Variants in PRKN observed in about 807,000 individuals in gnomAD.
PRKN encodes parkin RBR E3 ubiquitin protein ligase.
PRKN carries 56 observed loss-of-function variants against 59.5 expected under a neutral mutation model. That is an observed-to-expected ratio of 0.94 (90% CI 0.76 to 1.18). The LOEUF is 1.18. Among genes scored for constraint, PRKN ranks in the 50% most tolerant of loss-of-function variants. The probability of loss-of-function intolerance (pLI) is 0.00; values close to 1 mark genes in which losing one functional copy is unlikely to be tolerated. For missense variants in PRKN, 657 were observed against 596.4 expected, an observed-to-expected ratio of 1.10 and a Z score of -1.06; for synonymous variants, 250 against 222.1, an observed-to-expected ratio of 1.13 and a Z score of -1.12.
chr6:161,536,375 T>C (rs1443097718), intron 9 of PRKN, among the ~76,000 whole-genome samples: 3 of 151,270 alleles, frequency 2.0e-5, no homozygotes, highest in Non-Finnish European at 2.9e-5. Context: ...CAGAACTCAC[T>C]ACTGACCCGG....
chr6:162,316,061 C>G (rs559851510), intron 2 of PRKN, among the ~76,000 whole-genome samples: 1 of 152,104 alleles, frequency 6.6e-6, no homozygotes, highest in African/African-American at 2.4e-5. Flanking sequence ...GGGCATGGGT[C>G]AGGTTCTATG....
intron 5 of PRKN, among the ~76,000 whole-genome samples, chr6:162,040,850 A>G (rs1274295646): frequency 6.6e-6 from 1 of 152,032 alleles, no homozygotes; most frequent in Non-Finnish European, 1.5e-5. Flanking sequence ...AGTAGTGAGG[A>G]AGAAAAACAA....
intron 6 of PRKN, among the ~76,000 whole-genome samples, chr6:161,842,560 CTTT>C (rs1455918960): frequency 6.6e-6 from 1 of 151,408 alleles, no homozygotes; most frequent in African/African-American, 2.4e-5. Flanking sequence ...TCTTCCTTCT[CTTT>C]TTTTTCTTTT....
intron 7 of PRKN, among the ~76,000 whole-genome samples, chr6:161,648,028 T>C (rs1784019275): frequency 6.6e-6 from 1 of 152,226 alleles, no homozygotes; most frequent in African/African-American, 2.4e-5. Flanking sequence ...CATTTATTAC[T>C]GGTGCATGAT....
At position 161,423,238 on chromosome 6, in the gene PRKN, G is replaced by T. The variant is rs1057480682; in HGVS notation, c.1084-36361C>A. The stretch of plus-strand genomic sequence containing the variant: ...ACGTGGCCCCCAAATGAATAGGGAG[G>T]CACTCACGTTAATTTTTCTCAACTA... On this transcript the variant is annotated intron_variant, in intron 9 of 11. Transcript: ENST00000366898. The surrounding 1 kb of genome is among the most constrained non-coding windows in gnomAD (Gnocchi z 5.9). Among the ~76,000 whole-genome samples the T allele has an allele frequency of 6.6e-6, 1 of 152,100 alleles. No individual in the cohort carries two copies. Among genetic ancestry groups the T allele is most frequent in the Admixed American group, 6.6e-5 (1 of 15,234 alleles).
intron 7 of PRKN, among the ~76,000 whole-genome samples, chr6:161,640,224 T>C (rs1047631704): frequency 1.3e-5 from 2 of 152,266 alleles, no homozygotes; most frequent in Non-Finnish European, 2.9e-5. Flanking sequence ...CCCAGTTTTC[T>C]GGTTGTAGTT....
intron 8 of PRKN, among the ~76,000 whole-genome samples, chr6:161,556,681 C>G (rs1780250888): frequency 6.6e-6 from 1 of 152,188 alleles, no homozygotes; most frequent in African/African-American, 2.4e-5. Flanking sequence ...GGAACAAACA[C>G]TTCCCTTGAT....
At chr6:161,801,295 T>C (rs1001374149) in intron 6 of PRKN, among the ~76,000 whole-genome samples, 1 of 152,212 alleles carries the variant, frequency 6.6e-6, no homozygotes, top group African/African-American at 2.4e-5. Flanking sequence ...CTGAGTCTTC[T>C]GGTTCTAGGC....
In PRKN at chr6:162,180,095, T is replaced by C. The variant is rs568141184; in HGVS notation, c.534+21036A>G. ...TGATACATGTGATAGGTGAAATTCATTGTAAAGGCATATTTGAGGTGATTT... is the reference window on the plus strand; with the variant it reads ...TGATACATGTGATAGGTGAAATTCACTGTAAAGGCATATTTGAGGTGATTT... On this transcript the variant is annotated intron_variant, in intron 4 of 11. Transcript: ENST00000366898. Among the ~76,000 whole-genome samples, 4 of 151,866 alleles carry C rather than the reference T, an allele frequency of 2.6e-5. No homozygotes were observed. In the East Asian group the frequency reaches 7.8e-4, roughly 30 times the overall value.
chr6:162,118,503 A>G (rs568507025), intron 4 of PRKN, among the ~76,000 whole-genome samples: 2 of 152,334 alleles, frequency 1.3e-5, no homozygotes, highest in African/African-American at 4.8e-5. Flanking sequence ...AGTTTTCAAT[A>G]TTATACATGA....
At chr6:162,547,395 A>G (rs1197168619) in intron 1 of PRKN, among the ~76,000 whole-genome samples, 3 of 152,124 alleles carry the variant, frequency 2.0e-5, no homozygotes, top group Non-Finnish European at 2.9e-5. Flanking sequence ...GAAAATAACA[A>G]TATTTTACAT....
At chr6:161,877,541 G>T (rs1282602175) in intron 6 of PRKN, among the ~76,000 whole-genome samples, 1 of 150,630 alleles carries the variant, frequency 6.6e-6, no homozygotes, top group Non-Finnish European at 1.5e-5. Context: ...CTCACTGCAA[G>T]CTCAGCCTCC....
At chr6:162,261,678 C>T (rs1331051614) in intron 3 of PRKN, among the ~76,000 whole-genome samples, 1 of 152,140 alleles carries the variant, frequency 6.6e-6, no homozygotes, top group Non-Finnish European at 1.5e-5. Flanking sequence ...CCACAATCAT[C>T]TCAAGATCAC....
At chr6:162,580,117 G>A (rs1409557878) in intron 1 of PRKN, among the ~76,000 whole-genome samples, 1 of 152,200 alleles carries the variant, frequency 6.6e-6, no homozygotes, top group East Asian at 1.9e-4. Context: ...TCGGTGACAA[G>A]GAACCATGGT....
intron 6 of PRKN, among the ~76,000 whole-genome samples, chr6:161,938,662 G>C (rs1779443158): frequency 6.6e-6 from 1 of 152,172 alleles, no homozygotes; most frequent in Non-Finnish European, 1.5e-5. Flanking sequence ...AGATGAGTGG[G>C]TGTGTTATGA....
intron 5 of PRKN, among the ~76,000 whole-genome samples, chr6:162,033,764 G>A (rs763150085): frequency 6.6e-6 from 1 of 152,194 alleles, no homozygotes; most frequent in Non-Finnish European, 1.5e-5. Context: ...GTTATCAACA[G>A]ATGAAATTAT....
At chr6:162,225,211 T>C (rs1778116972) in intron 3 of PRKN, among the ~76,000 whole-genome samples, 1 of 152,102 alleles carries the variant, frequency 6.6e-6, no homozygotes, top group African/African-American at 2.4e-5. Flanking sequence ...TCATAGTAAC[T>C]AATACAGTCC....
At chr6:162,551,812 C>A (rs1304626815) in intron 1 of PRKN, among the ~76,000 whole-genome samples, 2 of 152,174 alleles carry the variant, frequency 1.3e-5, no homozygotes, top group Non-Finnish European at 2.9e-5. Flanking sequence ...TGGAGATTGA[C>A]AGATCAAGTT....
At chr6:162,050,823 T>G (rs1777606884) in intron 5 of PRKN, among the ~76,000 whole-genome samples, 1 of 151,354 alleles carries the variant, frequency 6.6e-6, no homozygotes, top group Admixed American at 6.6e-5. Flanking sequence ...CACTCCCACC[T>G]CCCCCCAATC....
Sources: gnomAD v4.1 joint callset for allele counts (sites outside exome capture counted in the v4.1 genomes callset) on GRCh38, gnomAD v4.1.1 for gene constraint, Gnocchi (gnomAD v3.1) non-coding constraint, MANE v1.5 for transcripts, NCBI Gene and HGNC (gene_info 2026-07-23, HGNC 2026-07-21) for gene names.